Variants in NAALADL2 observed in about 807,000 individuals in gnomAD.
NAALADL2 encodes the protein N-acetylated alpha-linked acidic dipeptidase like 2.
NAALADL2 carries 76 observed loss-of-function variants against 87.2 expected under a neutral mutation model. The ratio of observed to expected loss-of-function variants is 0.87; its 90% CI spans 0.72 to 1.05. The LOEUF is 1.05. Among genes scored for constraint, NAALADL2 ranks in the 50% least tolerant of loss-of-function variants. NAALADL2 has a pLI of 0.00. For synonymous variants in NAALADL2, 354 were observed against 331.0 expected, an observed-to-expected ratio of 1.07 and a Z score of -0.75; for missense variants, 1,089 against 945.8, an observed-to-expected ratio of 1.15 and a Z score of -1.99.
chr3:175,124,473 A>G (rs924066930), intron 2 of NAALADL2: 19 of 151,968 alleles, frequency 1.3e-4, no homozygotes, highest in African/African-American at 4.6e-4. Context: ...TAGGAGAGGA[A>G]AGGCAACTGT....
intron 1 of NAALADL2, among the ~76,000 whole-genome samples, chr3:174,936,506 T>C (rs1737710849): frequency 6.6e-6 from 1 of 152,136 alleles, no homozygotes; most frequent in Admixed American, 6.6e-5. Context: ...AAGCTACTTA[T>C]ATGTTATATT....
chr3:175,080,602 C>T (rs1010590614), intron 1 of NAALADL2, among the ~76,000 whole-genome samples: 2 of 152,148 alleles, frequency 1.3e-5, no homozygotes, highest in Admixed American at 6.5e-5. Flanking sequence ...TGAAATCTTA[C>T]ACATTATTGG....
At chr3:175,398,359 TTTTTTTTC>T in intron 5 of NAALADL2, among the ~76,000 whole-genome samples, 1 of 149,440 alleles carries the variant, frequency 6.7e-6, no homozygotes, top group Non-Finnish European at 1.5e-5. Flanking sequence ...TTTTTTTTTT[TTTTTTTTC>T]CATCCTTTGC....
intron 11 of NAALADL2, among the ~76,000 whole-genome samples, chr3:175,716,823 G>A (rs1741369583): frequency 6.6e-6 from 1 of 152,102 alleles, no homozygotes; most frequent in Non-Finnish European, 1.5e-5. Flanking sequence ...TGTTTTGGAG[G>A]AGTCTAATTT....
At chr3:175,670,095 G>C (rs1733733766) in intron 11 of NAALADL2, among the ~76,000 whole-genome samples, 2 of 151,910 alleles carry the variant, frequency 1.3e-5, no homozygotes, top group South Asian at 4.1e-4. Flanking sequence ...TATGAAGTGA[G>C]ATCTATTATT....
Position 175,535,118 on chromosome 3 carries a change from G to A in NAALADL2, c.1654-40923G>A, listed in dbSNP as rs12489787. Among the ~76,000 whole-genome samples, 1,417 of 152,100 alleles carry A rather than the reference G, an allele frequency of 9.3e-3. 47 individuals are homozygous for A. The highest frequency in any genetic ancestry group is 0.056 in the Admixed American group (855 of 15,276). On this transcript the variant is annotated intron_variant, in intron 9 of 13. Transcript: ENST00000454872. ...AGTAGGTAATTCTACTCAGTCATAC[G>A]GCTGCTATGTAATATAGAAATAACA...
chr3:174,832,926 A>T (rs1722898052), intron 3 of NAALADL2, among the ~76,000 whole-genome samples: 1 of 152,136 alleles, frequency 6.6e-6, no homozygotes, highest in South Asian at 2.1e-4. Context: ...ATGTTTCAAA[A>T]TCTAATGTAT....
intron 5 of NAALADL2, among the ~76,000 whole-genome samples, chr3:175,360,710 C>CTA (rs1436508379): frequency 6.6e-6 from 1 of 151,538 alleles, no homozygotes; most frequent in Non-Finnish European, 1.5e-5. Context: ...AATCTTTTTT[C>CTA]TATATATGAC....
intron 3 of NAALADL2, among the ~76,000 whole-genome samples, chr3:174,777,376 A>C (rs548502679): frequency 1.2e-4 from 19 of 152,254 alleles, no homozygotes; most frequent in African/African-American, 4.3e-4. Flanking sequence ...CAAGACCCTA[A>C]AATGATTTAA....
chr3:174,823,687 G>C (rs941757781), intron 3 of NAALADL2, among the ~76,000 whole-genome samples: 1 of 152,086 alleles, frequency 6.6e-6, no homozygotes, highest in African/African-American at 2.4e-5. Flanking sequence ...TGTAACATAA[G>C]TTATTCTTTT....
At chr3:175,423,633 G>A (rs745656287) in intron 5 of NAALADL2, among the ~76,000 whole-genome samples, 3 of 152,032 alleles carry the variant, frequency 2.0e-5, no homozygotes, top group Admixed American at 6.6e-5. Flanking sequence ...TCCATGGTGT[G>A]TATGTGCCAC....
chr3:174,703,689 T>A (rs1484829193), intron 2 of NAALADL2, among the ~76,000 whole-genome samples: 2 of 152,134 alleles, frequency 1.3e-5, no homozygotes, highest in African/African-American at 4.8e-5. Context: ...TACACCAGAT[T>A]ATCATGTAGA....
chr3:175,758,221 T>G (rs1489176780), intron 13 of NAALADL2, among the ~76,000 whole-genome samples: 1 of 152,076 alleles, frequency 6.6e-6, no homozygotes, highest in African/African-American at 2.4e-5. Context: ...GTTCTCATTA[T>G]GCAAGCCTCA....
rs141997101 is a variant in NAALADL2 at position 175,331,822 on chromosome 3, A to G, written c.1090+7497A>G. 5.9e-3 allele frequency among the ~76,000 whole-genome samples: 895 copies of G among 152,266 alleles called. 5 individuals carry two copies. The highest frequency in any genetic ancestry group is 0.021 in the African/African-American group (855 of 41,560). Reference sequence around the variant, plus strand: ...AAAGAAGAAGTCAAATTGTCCCTCTATGCAGATGACATGGTCTCATAGCTA... The same window carrying G: ...AAAGAAGAAGTCAAATTGTCCCTCTGTGCAGATGACATGGTCTCATAGCTA... On this transcript the variant is annotated intron_variant, in intron 5 of 13. Coordinates refer to ENST00000454872, the MANE Select transcript of NAALADL2 (RefSeq NM_207015.3).
intron 1 of NAALADL2, among the ~76,000 whole-genome samples, chr3:174,914,039 A>G (rs1237862334): frequency 6.6e-6 from 1 of 150,824 alleles, no homozygotes; most frequent in Non-Finnish European, 1.5e-5. Flanking sequence ...TTTTGGTTTT[A>G]TATATATATA....
intron 13 of NAALADL2, among the ~76,000 whole-genome samples, chr3:175,771,505 G>A (rs1749478971): frequency 6.6e-6 from 1 of 152,166 alleles, no homozygotes; most frequent in Non-Finnish European, 1.5e-5. Flanking sequence ...GAGGCCAGAA[G>A]TCTGAGATCA....
chr3:174,631,571 T>C (rs1269806425), intron 2 of NAALADL2, among the ~76,000 whole-genome samples: 1 of 152,220 alleles, frequency 6.6e-6, no homozygotes, highest in Non-Finnish European at 1.5e-5. Flanking sequence ...GTTGGTGTAA[T>C]GGAAAATGGA....
intron 2 of NAALADL2, among the ~76,000 whole-genome samples, chr3:175,189,928 A>G (rs191820492): frequency 6.6e-6 from 1 of 152,330 alleles, no homozygotes; most frequent in East Asian, 1.9e-4. Flanking sequence ...ACCCAATCAT[A>G]TACAGTGAAC....
At chr3:174,669,315 G>A (rs536542454) in intron 2 of NAALADL2, among the ~76,000 whole-genome samples, 1 of 151,654 alleles carries the variant, frequency 6.6e-6, no homozygotes, top group Non-Finnish European at 1.5e-5. Context: ...CTGGATATTA[G>A]CCCTTTGTCA....
Sources: allele counts gnomAD v4.1 joint callset (sites outside exome capture counted in the v4.1 genomes callset), GRCh38; gene constraint gnomAD v4.1.1; transcripts MANE v1.5; gene names NCBI Gene and HGNC (gene_info 2026-07-23, HGNC 2026-07-21).